Variants in DPP10 observed in about 807,000 individuals in gnomAD.
DPP10 encodes dipeptidyl peptidase like 10.
A neutral mutation model predicts 120.9 loss-of-function variants in DPP10; 33 were observed. The observed-to-expected ratio is 0.27, with a 90% CI of 0.21 to 0.37. The LOEUF (loss-of-function observed/expected upper bound fraction) is 0.37, where lower values mean the gene tolerates loss of function less well. Ranked by LOEUF, DPP10 falls within the 10% of genes least tolerant of loss-of-function variation. The pLI, the probability that DPP10 is intolerant of heterozygous loss-of-function variation, is 1.00. For missense variants in DPP10, 816 were observed against 942.8 expected, an observed-to-expected ratio of 0.87 and a Z score of 1.76; for synonymous variants, 337 against 326.1, an observed-to-expected ratio of 1.03 and a Z score of -0.36.
intron 3 of DPP10, among the ~76,000 whole-genome samples, chr2:115,496,749 A>G (rs1215334285): frequency 1.3e-5 from 2 of 152,080 alleles, no homozygotes; most frequent in East Asian, 3.9e-4. Context: ...CCACTGCAAA[A>G]ACCAGTTCAC....
chr2:114,999,957 G>A (rs528524898), intron 1 of DPP10, among the ~76,000 whole-genome samples: 55 of 151,840 alleles, frequency 3.6e-4, no homozygotes, highest in African/African-American at 1.3e-3. Context: ...TTTCCCTGAG[G>A]AAATGCTATG....
intron 1 of DPP10, among the ~76,000 whole-genome samples, chr2:115,228,215 G>T (rs1464700343): frequency 1.3e-5 from 2 of 151,968 alleles, no homozygotes; most frequent in Non-Finnish European, 2.9e-5. Context: ...CCAAAGTACT[G>T]GGACTACAGG....
chr2:115,823,496 T>G (rs1354767073), intron 21 of DPP10, among the ~76,000 whole-genome samples: 1 of 152,188 alleles, frequency 6.6e-6, no homozygotes, highest in African/African-American at 2.4e-5. Context: ...GTTTACGCCA[T>G]CCACCAAAGA....
intron 3 of DPP10, among the ~76,000 whole-genome samples, chr2:115,493,641 A>G (rs1233317556): frequency 6.6e-6 from 1 of 151,380 alleles, no homozygotes; most frequent in Non-Finnish European, 1.5e-5. Flanking sequence ...TTCAAAGTCA[A>G]GAGAAGAGGA....
intron 1 of DPP10, among the ~76,000 whole-genome samples, chr2:114,984,718 A>G (rs1013666106): frequency 2.6e-5 from 4 of 152,190 alleles, no homozygotes; most frequent in Admixed American, 6.5e-5. Flanking sequence ...CTTTAGCATT[A>G]TCCTAGTTGG....
intron 1 of DPP10, among the ~76,000 whole-genome samples, chr2:115,050,724 G>A (rs1048832134): frequency 3.3e-5 from 5 of 152,172 alleles, no homozygotes; most frequent in Non-Finnish European, 5.9e-5. Flanking sequence ...TTAATCTCTC[G>A]CCACTGACTA....
intron 5 of DPP10, among the ~76,000 whole-genome samples, chr2:115,553,977 G>A (rs974605252): frequency 2.9e-5 from 4 of 139,878 alleles, no homozygotes; most frequent in Non-Finnish European, 4.6e-5. Flanking sequence ...TCTAAGCTCC[G>A]ACACCTATCT....
chr2:115,515,044 C>T (rs1340489524), intron 4 of DPP10, among the ~76,000 whole-genome samples: 8 of 151,550 alleles, frequency 5.3e-5, no homozygotes, highest in Non-Finnish European at 1.2e-4. Flanking sequence ...ACTTTTTATC[C>T]ACTTAATGTA....
intron 19 of DPP10, among the ~76,000 whole-genome samples, chr2:115,794,026 G>A (rs1159287175): frequency 1.3e-5 from 2 of 151,992 alleles, no homozygotes; most frequent in African/African-American, 2.4e-5. Flanking sequence ...TTTTTCTCAA[G>A]CTTAAAAACT....
chr2:114,445,968 A>T (rs1287753293), intron 1 of DPP10, among the ~76,000 whole-genome samples: 1 of 152,138 alleles, frequency 6.6e-6, no homozygotes, highest in Non-Finnish European at 1.5e-5. Context: ...TAAGGGAAGA[A>T]AGCTTTTCCT....
chr2:114,679,911 G>A (rs749060233), intron 1 of DPP10, among the ~76,000 whole-genome samples: 9 of 152,030 alleles, frequency 5.9e-5, no homozygotes, highest in African/African-American at 9.6e-5. Context: ...TAAGCTCACC[G>A]TATTCAAATG....
chr2:115,354,235 A>G (rs2106319829), intron 3 of DPP10, among the ~76,000 whole-genome samples: 1 of 152,240 alleles, frequency 6.6e-6, no homozygotes, highest in African/African-American at 2.4e-5. Flanking sequence ...GGTGTGTTGT[A>G]TGATGCTGAA....
intron 1 of DPP10, among the ~76,000 whole-genome samples, chr2:114,845,451 T>C (rs887328063): frequency 6.6e-6 from 1 of 152,154 alleles, no homozygotes; most frequent in African/African-American, 2.4e-5. Context: ...TTTGTTGGAA[T>C]TCTTACAACT....
chr2:115,809,938 C>T (rs187536071), intron 19 of DPP10, among the ~76,000 whole-genome samples: 1,967 of 152,164 alleles, frequency 0.013, 45 homozygotes, highest in African/African-American at 0.043. Flanking sequence ...CCGAGGCAGG[C>T]GGATCACGAG....
chr2:115,026,509 T>C (rs1486614025), intron 1 of DPP10, among the ~76,000 whole-genome samples: 1 of 152,094 alleles, frequency 6.6e-6, no homozygotes, highest in Non-Finnish European at 1.5e-5. Flanking sequence ...TCTTTTGCGG[T>C]TCCATATAAT....
At chr2:115,125,087 A>G (rs2050007576) in intron 1 of DPP10, among the ~76,000 whole-genome samples, 2 of 152,218 alleles carry the variant, frequency 1.3e-5, no homozygotes. Context: ...AAGGAATTCC[A>G]TACTTTAACT....
At chr2:114,543,748 CTTTTT>C (rs1022619567) in intron 1 of DPP10, among the ~76,000 whole-genome samples, 1 of 146,358 alleles carries the variant, frequency 6.8e-6, no homozygotes, top group Non-Finnish European at 1.5e-5. Flanking sequence ...GGCCTGAACT[CTTTTT>C]TTTTTTTCTC....
chr2:115,366,076 A>T (rs1473492122), intron 3 of DPP10, among the ~76,000 whole-genome samples: 4 of 152,046 alleles, frequency 2.6e-5, no homozygotes, highest in Non-Finnish European at 5.9e-5. Flanking sequence ...AGTCAGAGCC[A>T]GGGATTTTCT....
At chr2:115,493,845 T>A (rs533954497) in intron 3 of DPP10, among the ~76,000 whole-genome samples, 1 of 152,134 alleles carries the variant, frequency 6.6e-6, no homozygotes, top group Non-Finnish European at 1.5e-5. Context: ...ATGGCTGTTA[T>A]GGAGAACAAG....
Sources: allele counts gnomAD v4.1 joint callset (sites outside exome capture counted in the v4.1 genomes callset), GRCh38; gene constraint gnomAD v4.1.1; transcripts MANE v1.5; gene names NCBI Gene and HGNC (gene_info 2026-07-23, HGNC 2026-07-21).